Variants in NFATC2 observed in about 807,000 individuals in gnomAD.
The protein encoded by NFATC2 is nuclear factor of activated T cells 2, also known as nuclear factor of activated T-cells, cytoplasmic 2.
Under a neutral mutation model 87.3 loss-of-function variants are expected in NFATC2, and 22 were observed. That is an observed-to-expected ratio of 0.25 (90% confidence interval 0.18 to 0.36). The LOEUF is 0.36. Ranked by LOEUF, NFATC2 falls within the 10% of genes least tolerant of loss-of-function variation. The probability of loss-of-function intolerance (pLI) is 1.00; values close to 1 mark genes in which losing one functional copy is unlikely to be tolerated. For missense variants in NFATC2, 1,149 were observed against 1,259.1 expected, an observed-to-expected ratio of 0.91 and a Z score of 1.32; for synonymous variants, 565 against 542.2, an observed-to-expected ratio of 1.04 and a Z score of -0.58.
chr20:51,475,400 A>G (rs56332276), intron 4 of NFATC2, 58 bp downstream of exon 4: 91,900 of 1,568,384 alleles, frequency 0.059, 3,705 homozygotes, highest in East Asian at 0.18. Context: ...AATCCCTGCC[A>G]CCTGCCCCCT....
chr20:51,406,020 G>A (rs532144806), intron 9 of NFATC2, among the ~76,000 whole-genome samples: 6 of 152,252 alleles, frequency 3.9e-5, no homozygotes, highest in Non-Finnish European at 5.9e-5. Flanking sequence ...CAGGTGATCC[G>A]CTGGCCTTGG....
rs1204675210 is a variant in NFATC2 at position 51,389,564 on chromosome 20, C to G, written c.*1932G>C. The stretch of plus-strand genomic sequence containing the variant: ...TTCCATGGTAGGGGTCAACCTCTTA[C>G]TGGCATTCTGTTTATTTAAAAGAGA... On this transcript the variant is annotated 3_prime_UTR_variant, in exon 11 of 11. Transcript: ENST00000371564. The G allele has an allele frequency of 6.6e-6, 1 of 152,190 alleles. No individual in the cohort carries two copies. Among genetic ancestry groups the G allele is most frequent in the African/African-American group, 2.4e-5 (1 of 41,436 alleles). 9.4% of individuals were successfully genotyped at this position (152,190 alleles called of 1,614,324 possible).
At chr20:51,533,837 G>A (rs905360883) in intron 1 of NFATC2, among the ~76,000 whole-genome samples, 1 of 152,226 alleles carries the variant, frequency 6.6e-6, no homozygotes, top group East Asian at 1.9e-4. Flanking sequence ...GGATAGGGGT[G>A]GAGAAATGTA....
intron 9 of NFATC2, among the ~76,000 whole-genome samples, chr20:51,420,770 G>A (rs952910101): frequency 6.6e-6 from 1 of 152,118 alleles, no homozygotes; most frequent in Non-Finnish European, 1.5e-5. Flanking sequence ...TTAAACACTA[G>A]GTATTTCATG....
At chr20:51,473,752 T>C (rs1269133105) in intron 5 of NFATC2, among the ~76,000 whole-genome samples, 1 of 152,244 alleles carries the variant, frequency 6.6e-6, no homozygotes, top group African/African-American at 2.4e-5. Flanking sequence ...ATTTTTAAAT[T>C]TCCTGTGAGG....
chr20:51,400,872 G>A (rs1987960943), intron 9 of NFATC2, among the ~76,000 whole-genome samples: 1 of 151,924 alleles, frequency 6.6e-6, no homozygotes, highest in Non-Finnish European at 1.5e-5. Flanking sequence ...GACCAGATGT[G>A]GCCCCAGCTC....
At chr20:51,529,405 C>A (rs2076597593) in intron 1 of NFATC2, among the ~76,000 whole-genome samples, 1 of 151,938 alleles carries the variant, frequency 6.6e-6, no homozygotes, top group Admixed American at 6.6e-5. Context: ...TACCAGCAAG[C>A]AGGGAATATG....
intron 3 of NFATC2, among the ~76,000 whole-genome samples, chr20:51,511,382 G>A (rs1053162838): frequency 1.3e-5 from 2 of 152,226 alleles, no homozygotes; most frequent in East Asian, 3.8e-4. Context: ...GTGGGTGCTT[G>A]CTGGGGCCTC....
chr20:51,390,975 G>A lies in NFATC2; in HGVS notation c.*521C>T. The A allele has an allele frequency of 3.0e-6, 1 of 331,572 alleles. No homozygotes were observed. Among genetic ancestry groups the A allele is most frequent in the South Asian group, 2.5e-5 (1 of 40,046 alleles). The allele number at this position is 331,572 out of a possible 1,614,324, so 20.5% of individuals were successfully genotyped here. ...AACTCCTTGCCTTCAAAAGGTACAG[G>A]AGCTGTATCTGTGACCTGGAAAAAC... On this transcript the variant is annotated 3_prime_UTR_variant, in exon 11 of 11. Coordinates refer to ENST00000371564, the MANE Select transcript of NFATC2 (RefSeq NM_012340.5).
chr20:51,443,260 A>G (rs540107613), intron 6 of NFATC2, among the ~76,000 whole-genome samples: 1 of 151,872 alleles, frequency 6.6e-6, no homozygotes, highest in African/African-American at 2.4e-5. Context: ...TGCTATCTCC[A>G]CCCAGCCTCA....
Position 51,432,874 on chromosome 20 carries a change from C to T in NFATC2, c.2033-118G>A, listed in dbSNP as rs1343306724. 3.6e-6 allele frequency: 3 copies of T among 832,540 alleles called. No individual in the cohort carries two copies. Among genetic ancestry groups the T allele is most frequent in the Admixed American group, 7.3e-5 (2 of 27,214 alleles). 51.6% of individuals were successfully genotyped at this position (832,540 alleles called of 1,614,324 possible). A position where few individuals can be genotyped will look rare whatever the true frequency, so the allele number is the denominator to read the frequency against. On this transcript the variant is annotated intron_variant, in intron 8 of 10. Coordinates refer to ENST00000371564, the MANE Select transcript of NFATC2 (RefSeq NM_012340.5). The surrounding 1 kb of genome is among the most constrained non-coding windows in gnomAD (Gnocchi z 4.6). ...TGGGAGTCCATACGGGTGGGACAAACAGCTGGTCCCTGTCACTTATCAGCC... is the reference window on the plus strand; with the variant it reads ...TGGGAGTCCATACGGGTGGGACAAATAGCTGGTCCCTGTCACTTATCAGCC...
chr20:51,409,855 G>T (rs189579936), intron 9 of NFATC2, among the ~76,000 whole-genome samples: 1 of 152,332 alleles, frequency 6.6e-6, no homozygotes, highest in East Asian at 1.9e-4. Flanking sequence ...AAACTGAAAA[G>T]ACATTTCAAA....
At chr20:51,403,441 GCA>G (rs1555868534) in intron 9 of NFATC2, among the ~76,000 whole-genome samples, 1 of 152,146 alleles carries the variant, frequency 6.6e-6, no homozygotes, top group Non-Finnish European at 1.5e-5. Flanking sequence ...CCCAGAACAG[GCA>G]GACAGAACCT....
rs543102451 is a variant in NFATC2, at chr20:51,513,812, C to T, written c.1332+2972G>A. Reference sequence around the variant, plus strand: ...GGTGATGACAAGGCTCATACTGGAACAGCATGCAAAACTAGGGGGAATGGA... The same window carrying T: ...GGTGATGACAAGGCTCATACTGGAATAGCATGCAAAACTAGGGGGAATGGA... On this transcript the variant is annotated intron_variant, in intron 3 of 10. Transcript: ENST00000371564. 3.3e-5 allele frequency among the ~76,000 whole-genome samples: 5 copies of T among 152,380 alleles called. No individual in the cohort carries two copies. The East Asian group carries it at 9.6e-4, about 29-fold the overall frequency.
In NFATC2 at chr20:51,430,918, T is replaced by C. The variant is rs148627937; in HGVS notation, c.2722+1149A>G. On this transcript the variant is annotated intron_variant, in intron 9 of 10. Transcript: ENST00000371564. ...AGGGTATATCAGACGCTACTGCCTA[T>C]AAAATACAGGACTGGAACTGGGAAT... Among the ~76,000 whole-genome samples the C allele has an allele frequency of 9.6e-3, 1,461 of 152,270 alleles. 5 individuals carry two copies. The highest frequency in any genetic ancestry group is 0.016 in the Non-Finnish European group (1,115 of 68,024).
Position 51,477,563 on chromosome 20 carries a change from AT to A in NFATC2, c.1333-1904del, listed in dbSNP as rs1568667185. 9.2e-3 allele frequency among the ~76,000 whole-genome samples: 1,150 copies of A among 124,934 alleles called. 31 individuals carry two copies. Among genetic ancestry groups the A allele is most frequent in the African/African-American group, 0.031 (1,073 of 34,330 alleles). 82.0% of individuals were successfully genotyped at this position (124,934 alleles called of 152,430 possible). On this transcript the variant is annotated intron_variant, in intron 3 of 10. Coordinates refer to ENST00000371564, the MANE Select transcript of NFATC2 (RefSeq NM_012340.5). ...TATATATATATATATATATATATATATATATATATATATATATAAAATAACA... is the reference window on the plus strand; with the variant it reads ...TATATATATATATATATATATATATAATATATATATATATATAAAATAACA...
intron 9 of NFATC2, among the ~76,000 whole-genome samples, chr20:51,402,960 T>TC (rs1471493004): frequency 6.6e-6 from 1 of 152,172 alleles, no homozygotes; most frequent in African/African-American, 2.4e-5. Flanking sequence ...CATCTCGCCC[T>TC]CCCATAAGTT....
chr20:51,397,389 G>C (rs1987327293), intron 10 of NFATC2, among the ~76,000 whole-genome samples: 1 of 152,192 alleles, frequency 6.6e-6, no homozygotes, highest in Admixed American at 6.5e-5. Flanking sequence ...GCTGTGGGTG[G>C]GGTCTGAAGA....
intron 9 of NFATC2, among the ~76,000 whole-genome samples, chr20:51,428,352 G>A (rs1318473628): frequency 6.6e-6 from 1 of 152,186 alleles, no homozygotes; most frequent in Admixed American, 6.5e-5. Context: ...TGGGGTGGGT[G>A]GAGAAACACG....
Sources: gnomAD v4.1 joint callset for allele counts (sites outside exome capture counted in the v4.1 genomes callset) on GRCh38, gnomAD v4.1.1 for gene constraint, Gnocchi (gnomAD v3.1) non-coding constraint, MANE v1.5 for transcripts, NCBI Gene and HGNC (gene_info 2026-07-23, HGNC 2026-07-21) for gene names.